Variants in LRP1B observed in about 807,000 individuals in gnomAD.
LRP1B encodes low-density lipoprotein receptor-related protein 1B.
In LRP1B, 217 loss-of-function variants were observed where a neutral mutation model predicts 556.6. The observed-to-expected ratio is 0.39, with a 90% CI of 0.35 to 0.44. The LOEUF (loss-of-function observed/expected upper bound fraction) is 0.44. Among genes scored for constraint, LRP1B ranks in the 20% least tolerant of loss-of-function variants. LRP1B has a pLI of 1.00. For missense variants in LRP1B, 5,053 were observed against 5,620.8 expected, an observed-to-expected ratio of 0.90 and a Z score of 3.23; for synonymous variants, 2,047 against 1,865.8, an observed-to-expected ratio of 1.10 and a Z score of -2.50.
chr2:141,196,936 C>T (rs1034906611), intron 6 of LRP1B, among the ~76,000 whole-genome samples: 1 of 152,056 alleles, frequency 6.6e-6, no homozygotes, highest in Non-Finnish European at 1.5e-5. Flanking sequence ...GGTATCTCAC[C>T]TTGAACTGTT....
intron 66 of LRP1B, among the ~76,000 whole-genome samples, chr2:140,433,184 C>T (rs967723666): frequency 1.3e-5 from 2 of 152,112 alleles, no homozygotes; most frequent in Non-Finnish European, 1.5e-5. Context: ...CTGCAACCAC[C>T]GCCTCCTGGG....
intron 3 of LRP1B, among the ~76,000 whole-genome samples, chr2:141,285,245 G>T (rs961984787): frequency 1.4e-5 from 2 of 148,054 alleles, no homozygotes; most frequent in Admixed American, 6.8e-5. Context: ...AGCGCCACAT[G>T]CCCGGCTAAT....
intron 31 of LRP1B, among the ~76,000 whole-genome samples, chr2:140,834,601 A>G (rs904754507): frequency 2.0e-5 from 3 of 152,220 alleles, no homozygotes; most frequent in Non-Finnish European, 2.9e-5. Flanking sequence ...AGACTTGGCC[A>G]GTTAGTGTTC....
intron 7 of LRP1B, among the ~76,000 whole-genome samples, chr2:141,093,074 G>C (rs1574065949): frequency 6.6e-6 from 1 of 151,660 alleles, no homozygotes; most frequent in Admixed American, 6.6e-5. Flanking sequence ...AACACATTAG[G>C]GGAAATTATG....
intron 2 of LRP1B, among the ~76,000 whole-genome samples, chr2:141,499,511 G>A (rs975466367): frequency 6.6e-5 from 10 of 151,928 alleles, no homozygotes; most frequent in African/African-American, 2.4e-5. Context: ...TAGTTTGTTT[G>A]TTTGTTTTAA....
At chr2:141,233,001 T>C (rs1191551353) in intron 5 of LRP1B, among the ~76,000 whole-genome samples, 1 of 152,180 alleles carries the variant, frequency 6.6e-6, no homozygotes, top group African/African-American at 2.4e-5. Flanking sequence ...ATCTAATGTC[T>C]GTTGTGCATC....
intron 2 of LRP1B, among the ~76,000 whole-genome samples, chr2:141,715,713 G>C (rs755218458): frequency 1.3e-5 from 2 of 152,082 alleles, no homozygotes; most frequent in African/African-American, 2.4e-5. Context: ...TACTCAGGAG[G>C]CTGAGGCAGG....
intron 18 of LRP1B, among the ~76,000 whole-genome samples, chr2:140,965,333 A>AT (rs1384202407): frequency 6.7e-6 from 1 of 149,780 alleles, no homozygotes; most frequent in Admixed American, 6.7e-5. Flanking sequence ...GCTTTTTGTT[A>AT]TTTTAACTTT....
chr2:140,886,256 T>C lies in LRP1B; in HGVS notation c.3846A>G (p.Leu1282=), dbSNP rs759278869. 5 of 1,609,100 alleles carry C rather than the reference T, an allele frequency of 3.1e-6. No homozygotes were observed. In the South Asian group the frequency reaches 3.3e-5, roughly 11 times the overall value. Residue 1282 remains leucine (L), a synonymous_variant, in exon 24 of 91, where the codon CTA becomes CTG. Transcript: ENST00000389484. ...TTGTGTTTCTCAATCCAGGAACAAG[T>C]AGACTATAGTCTCTTTTGTGAAGAT... ...RIDLHKRDYS[L]LVPGLRNTIA...
chr2:140,715,841 AT>A (rs983564636), intron 37 of LRP1B, 131 bp downstream of exon 37: 8 of 161,386 alleles, frequency 5.0e-5, no homozygotes, highest in Admixed American at 9.9e-5. Context: ...GAATATAAAC[AT>A]TTTTTTCTGC....
At chr2:140,854,512 G>A (rs1016985760) in intron 27 of LRP1B, among the ~76,000 whole-genome samples, 1 of 152,042 alleles carries the variant, frequency 6.6e-6, no homozygotes, top group Non-Finnish European at 1.5e-5. Context: ...TTATTTCAAA[G>A]TTTCTTTCCA....
chr2:140,249,004 T>G (rs758890220), intron 86 of LRP1B, among the ~76,000 whole-genome samples: 1 of 149,842 alleles, frequency 6.7e-6, no homozygotes, highest in Non-Finnish European at 1.5e-5. Flanking sequence ...AATTATTGAT[T>G]AAAATATCAA....
intron 4 of LRP1B, among the ~76,000 whole-genome samples, chr2:141,249,452 C>A (rs1000026791): frequency 6.6e-6 from 1 of 152,114 alleles, no homozygotes; most frequent in African/African-American, 2.4e-5. Context: ...CAAAAATTAG[C>A]CAGGCATGGT....
chr2:142,109,141 C>T (rs1227629482), intron 1 of LRP1B, among the ~76,000 whole-genome samples: 1 of 152,162 alleles, frequency 6.6e-6, no homozygotes, highest in Non-Finnish European at 1.5e-5. Context: ...TCTCAATTTT[C>T]ATTTGACAGA....
chr2:140,526,376 T>A (rs751024963), intron 47 of LRP1B, 26 bp from the exon 48 acceptor site: 7 of 1,303,860 alleles, frequency 5.4e-6, no homozygotes, highest in Non-Finnish European at 7.8e-6. Flanking sequence ...CATAAACAAA[T>A]GCAAAGATGG....
intron 7 of LRP1B, among the ~76,000 whole-genome samples, chr2:141,099,553 G>A (rs753763762): frequency 1.4e-4 from 21 of 152,270 alleles, no homozygotes; most frequent in Non-Finnish European, 2.6e-4. Context: ...ATGTGCACAC[G>A]TGTGTTTGGA....
At chr2:140,997,600 T>C (rs1381218081) in intron 15 of LRP1B, among the ~76,000 whole-genome samples, 1 of 151,960 alleles carries the variant, frequency 6.6e-6, no homozygotes, top group Non-Finnish European at 1.5e-5. Context: ...GCATCAGAAT[T>C]ATAACTTAGT....
At chr2:140,852,183 C>G (rs1288084765) in intron 27 of LRP1B, among the ~76,000 whole-genome samples, 1 of 151,954 alleles carries the variant, frequency 6.6e-6, no homozygotes. Flanking sequence ...AAAAATTTGC[C>G]GAGCGTGGTG....
chr2:142,007,683 T>TA (rs1387274842), intron 1 of LRP1B, among the ~76,000 whole-genome samples: 4 of 152,244 alleles, frequency 2.6e-5, no homozygotes, highest in African/African-American at 4.8e-5. Flanking sequence ...TTTAATTAAC[T>TA]GCTACCCTTT....
Sources: allele counts gnomAD v4.1 joint callset (sites outside exome capture counted in the v4.1 genomes callset), GRCh38; gene constraint gnomAD v4.1.1; transcripts MANE v1.5; gene names NCBI Gene and HGNC (gene_info 2026-07-23, HGNC 2026-07-21).